Variants in RABGAP1L observed in about 807,000 individuals in gnomAD.
RABGAP1L encodes rab GTPase-activating protein 1-like.
RABGAP1L carries 63 observed loss-of-function variants against 137.7 expected under a neutral mutation model. The ratio of observed to expected loss-of-function variants is 0.46; its 90% CI spans 0.37 to 0.56. The LOEUF is 0.56. Among genes scored for constraint, RABGAP1L ranks in the 20% least tolerant of loss-of-function variants. RABGAP1L has a pLI of 0.00. For synonymous variants in RABGAP1L, 431 were observed against 433.7 expected, an observed-to-expected ratio of 0.99 and a Z score of 0.08; for missense variants, 1,095 against 1,244.0, an observed-to-expected ratio of 0.88 and a Z score of 1.80.
intron 19 of RABGAP1L, among the ~76,000 whole-genome samples, chr1:174,921,214 C>T (rs369376413): frequency 2.2e-4 from 33 of 152,218 alleles, no homozygotes; most frequent in African/African-American, 5.5e-4. Context: ...TGAGCCACTG[C>T]GCCCGGCCCA....
At chr1:174,599,260 ACTT>A (rs1557884244) in intron 13 of RABGAP1L, among the ~76,000 whole-genome samples, 1 of 152,134 alleles carries the variant, frequency 6.6e-6, no homozygotes, top group African/African-American at 2.4e-5. Context: ...CCACTTTTTA[ACTT>A]CTTGTTGTTT....
chr1:174,346,642 T>C (rs1366705738), intron 11 of RABGAP1L, among the ~76,000 whole-genome samples: 1 of 152,044 alleles, frequency 6.6e-6, no homozygotes, highest in Middle Eastern at 3.2e-3. Context: ...TTTTTCTTAG[T>C]CTGTATAAAG....
Position 174,702,179 on chromosome 1 carries a change from C to T in RABGAP1L, c.2092C>T (p.Gln698Ter). The T allele has an allele frequency of 6.2e-7, 1 of 1,612,182 alleles. No individual in the cohort carries two copies. Among genetic ancestry groups the T allele is most frequent in the Non-Finnish European group, 8.5e-7 (1 of 1,178,756 alleles). ...CCTGGAAGCTCATATGTATGCATCC[C>T]AGTGGTTTCTCACTCTTTTTACTGC... ...LNLEAHMYASQWFLTLFTAKF... is the reference protein window; with the variant it reads ...LNLEAHMYAS The change falls in exon 17 of 26, where the codon CAG becomes TAG. Residue 698 changes from glutamine (Q) to a stop codon, truncating the protein, a stop_gained. Transcript: ENST00000681986. LOFTEE classifies it high-confidence loss of function.
intron 6 of RABGAP1L, among the ~76,000 whole-genome samples, chr1:174,252,270 G>A (rs1353297629): frequency 1.3e-5 from 2 of 152,102 alleles, no homozygotes; most frequent in South Asian, 2.1e-4. Flanking sequence ...ACTCAATTTA[G>A]AAATTAATAA....
chr1:174,576,884 T>C (rs1668409095), intron 13 of RABGAP1L, among the ~76,000 whole-genome samples: 1 of 152,088 alleles, frequency 6.6e-6, no homozygotes, highest in African/African-American at 2.4e-5. Context: ...GAATGAAAAC[T>C]GGTAAAGAAT....
At chr1:174,640,863 C>A (rs995260313) in intron 14 of RABGAP1L, among the ~76,000 whole-genome samples, 1 of 150,778 alleles carries the variant, frequency 6.6e-6, no homozygotes, top group Admixed American at 6.6e-5. Flanking sequence ...TAATGATTAA[C>A]CACTAAGAAA....
intron 19 of RABGAP1L, among the ~76,000 whole-genome samples, chr1:174,953,340 G>A (rs900445909): frequency 3.9e-5 from 6 of 152,174 alleles, no homozygotes; most frequent in African/African-American, 4.8e-5. Flanking sequence ...CCATATCTCC[G>A]TCTGAGGCCA....
intron 19 of RABGAP1L, among the ~76,000 whole-genome samples, chr1:174,835,728 T>A (rs1692674704): frequency 6.6e-6 from 1 of 152,190 alleles, no homozygotes; most frequent in Non-Finnish European, 1.5e-5. Flanking sequence ...CAAACTAAAA[T>A]CAGTTCTGAA....
At chr1:174,231,653 C>T (rs1670664097) in intron 4 of RABGAP1L, among the ~76,000 whole-genome samples, 1 of 152,108 alleles carries the variant, frequency 6.6e-6, no homozygotes, top group South Asian at 2.1e-4. Flanking sequence ...GCCATCTGCT[C>T]AGCTTCTGGG....
At chr1:174,423,809 C>T (rs1268271503) in intron 13 of RABGAP1L, among the ~76,000 whole-genome samples, 4 of 152,066 alleles carry the variant, frequency 2.6e-5, no homozygotes, top group South Asian at 2.1e-4. Flanking sequence ...AATTTTGGAA[C>T]AACTTCTGTA....
intron 1 of RABGAP1L, among the ~76,000 whole-genome samples, chr1:174,161,061 T>TGAG (rs1271332276): frequency 1.3e-5 from 2 of 152,288 alleles, no homozygotes; most frequent in Non-Finnish European, 2.9e-5. Flanking sequence ...TACACCTGCC[T>TGAG]GAGGGGTTAG....
chr1:174,436,469 G>T (rs914981025), intron 13 of RABGAP1L, among the ~76,000 whole-genome samples: 1 of 152,108 alleles, frequency 6.6e-6, no homozygotes, highest in Admixed American at 6.5e-5. Context: ...AGAAGTGTCT[G>T]TTCATATCCT....
chr1:174,221,736 G>GT (rs1485970706), intron 3 of RABGAP1L, among the ~76,000 whole-genome samples: 2 of 152,080 alleles, frequency 1.3e-5, no homozygotes, highest in Non-Finnish European at 2.9e-5. Context: ...CTCTGATGGT[G>GT]TTTTTTTGGT....
intron 1 of RABGAP1L, among the ~76,000 whole-genome samples, chr1:174,169,371 C>T (rs894047083): frequency 6.6e-6 from 1 of 151,916 alleles, no homozygotes; most frequent in Admixed American, 6.6e-5. Context: ...GGACCACAGG[C>T]ACGTGCCATC....
rs143078673 is a variant in RABGAP1L, at chr1:174,390,468, A to G, written c.1560-3527A>G. On this transcript the variant is annotated intron_variant, in intron 12 of 25. Coordinates refer to ENST00000681986, the MANE Select transcript of RABGAP1L (RefSeq NM_001366446.1). ...AAGAGATATTCAAACTTTAAAATAT[A>G]GTTAAATCATTATGTTATTATATAT... 9.3e-3 allele frequency among the ~76,000 whole-genome samples: 1,416 copies of G among 152,318 alleles called. 27 individuals carry two copies. Among genetic ancestry groups the G allele is most frequent in the African/African-American group, 0.033 (1,363 of 41,568 alleles).
At chr1:174,508,112 T>C (rs1662000368) in intron 13 of RABGAP1L, among the ~76,000 whole-genome samples, 1 of 152,146 alleles carries the variant, frequency 6.6e-6, no homozygotes, top group South Asian at 2.1e-4. Flanking sequence ...TTTCGCATAA[T>C]GTGTATGATT....
chr1:174,378,571 G>A (rs1488229443), intron 12 of RABGAP1L, among the ~76,000 whole-genome samples: 1 of 152,038 alleles, frequency 6.6e-6, no homozygotes, highest in African/African-American at 2.4e-5. Flanking sequence ...TTTTTTGGCT[G>A]CATAAATGTC....
intron 12 of RABGAP1L, among the ~76,000 whole-genome samples, chr1:174,374,804 T>C (rs1336850146): frequency 6.6e-6 from 1 of 152,240 alleles, no homozygotes; most frequent in Non-Finnish European, 1.5e-5. Flanking sequence ...ATGCTTTGTC[T>C]TTCAGAAGTG....
Position 174,571,500 on chromosome 1 carries a change from C to T in RABGAP1L, c.1711-65875C>T, listed in dbSNP as rs1667975386. ...AGTTTTCCATGATGTAATTATTACT[C>T]ATTGCATGCCTGTACCAAAACATCT... On this transcript the variant is annotated intron_variant, in intron 13 of 25. Coordinates refer to ENST00000681986, the MANE Select transcript of RABGAP1L (RefSeq NM_001366446.1). Among the ~76,000 whole-genome samples the T allele has an allele frequency of 4.6e-5, 7 of 152,220 alleles. No individual in the cohort carries two copies. In the South Asian group the frequency reaches 1.5e-3, roughly 32 times the overall value.
Sources: gnomAD v4.1 joint callset for allele counts (sites outside exome capture counted in the v4.1 genomes callset) on GRCh38, gnomAD v4.1.1 for gene constraint, MANE v1.5 for transcripts, NCBI Gene and HGNC (gene_info 2026-07-23, HGNC 2026-07-21) for gene names.